ADGRF5: variants seen among roughly 807,000 people sequenced by gnomAD.
The protein encoded by ADGRF5 is G-protein coupled receptor 116.
Under a neutral mutation model 132.3 loss-of-function variants are expected in ADGRF5, and 75 were observed. The observed-to-expected ratio is 0.57, with a 90% confidence interval of 0.47 to 0.69. The LOEUF (loss-of-function observed/expected upper bound fraction) is 0.69, where lower values mean the gene tolerates loss of function less well. Among genes scored for constraint, ADGRF5 ranks in the 30% least tolerant of loss-of-function variants. ADGRF5 has a pLI of 0.00. For synonymous variants in ADGRF5, 629 were observed against 597.6 expected (o/e 1.05, Z -0.77); for missense variants, 1,516 against 1,630.6 (o/e 0.93, Z 1.21).
At chr6:46,923,816 G>A (rs1388966136), upstream of ADGRF5, among the ~76,000 whole-genome samples, 2 of 152,130 alleles carry the variant, frequency 1.3e-5, no homozygotes, top group African/African-American at 2.4e-5. Flanking sequence ...TGGCCTCAGC[G>A]GCAACCCAGA....
chr6:46,932,787 G>A (rs1303519182), intron 1 of ADGRF5, among the ~76,000 whole-genome samples: 1 of 152,120 alleles, frequency 6.6e-6, no homozygotes. Context: ...CTGGGCTCCT[G>A]TTTAATGCCT....
At chr6:46,936,405 T>A (rs1304383164) in intron 1 of ADGRF5, among the ~76,000 whole-genome samples, 2 of 152,194 alleles carry the variant, frequency 1.3e-5, no homozygotes, top group African/African-American at 4.8e-5. Context: ...CTGCCAAACC[T>A]GCCTTCCTCG....
Position 46,856,867 on chromosome 6 carries a change from C to T in ADGRF5, c.3816G>A (p.Lys1272=), listed in dbSNP as rs757503035. 1 of 1,609,892 alleles carries T rather than the reference C, an allele frequency of 6.2e-7. No homozygotes were observed. The highest frequency in any genetic ancestry group is 8.5e-7 in the Non-Finnish European group (1 of 1,178,020). The change falls in exon 18 of 21, where the codon AAG becomes AAA. Residue 1272 remains lysine (K), a splice_region_variant and synonymous_variant. Transcript: ENST00000283296. ...AACATGAAACTGTCATTGCTCTTAC[C>T]TTCAGATCCCAGAGGCATCCAAAGA... ...ILLFGCLWDL[K]VQEALLNKFS... is the part of the protein sequence containing the mutation.
Position 46,858,699 on chromosome 6 carries a change from G to A in ADGRF5, c.3204C>T (p.Phe1068=). 6.2e-7 allele frequency: 1 copy of A among 1,614,138 alleles called. No homozygotes were observed. The change falls in exon 17 of 21, where the codon TTC becomes TTT. Residue 1068 remains phenylalanine, a synonymous_variant. Transcript: ENST00000283296. The stretch of plus-strand genomic sequence containing the variant: ...TGTCCTGGATGGCAGCGACCACAAT[G>A]AACCAGGTGTTGGCGACCAGAAGGG... ...AASLLVANTW[F]IVVAAIQDNR...
intron 1 of ADGRF5, among the ~76,000 whole-genome samples, chr6:46,937,253 AGT>A (rs1172517306): frequency 8.9e-6 from 1 of 112,550 alleles, no homozygotes; most frequent in Non-Finnish European, 1.8e-5. Flanking sequence ...TGTGTGTGTG[AGT>A]GTGTGTGTGT....
rs1773286452 is a variant in ADGRF5, at chr6:46,888,488, T to C, written c.175A>G (p.Thr59Ala). 1.9e-6 allele frequency: 3 copies of C among 1,612,856 alleles called. No individual in the cohort carries two copies. The highest frequency in any genetic ancestry group is 1.7e-5 in the Admixed American group (1 of 59,970). The change falls in exon 4 of 21, where the codon ACG (threonine) becomes GCG (alanine). Residue 59 changes from threonine (T) to alanine (A), a missense_variant. Coordinates refer to ENST00000283296, the MANE Select transcript of ADGRF5 (RefSeq NM_001098518.2). ...ATATTAACAGTGTATTCTTCAGCCGTAGGACTTTTTGTGGCAACTGCAATG... is the reference window on the plus strand; with the variant it reads ...ATATTAACAGTGTATTCTTCAGCCGCAGGACTTTTTGTGGCAACTGCAATG... Reference protein sequence around the residue: ...QKRAVATKSPTAEEYTVNIEI... With the variant: ...QKRAVATKSPAAEEYTVNIEI...
At chr6:46,878,859 C>A (rs1210772611) in intron 9 of ADGRF5, among the ~76,000 whole-genome samples, 1 of 152,164 alleles carries the variant, frequency 6.6e-6, no homozygotes, top group Non-Finnish European at 1.5e-5. Context: ...TACAATGCGG[C>A]TATTACATTC....
chr6:46,881,721 A>T (rs1772489116), intron 7 of ADGRF5, 124 bp from the exon 8 acceptor site: 2 of 755,350 alleles, frequency 2.6e-6, no homozygotes, highest in Non-Finnish European at 4.4e-6. Flanking sequence ...AAATCTATGG[A>T]TCTGACTGGC....
At chr6:46,938,467 G>A (rs1777931166) in intron 1 of ADGRF5, among the ~76,000 whole-genome samples, 1 of 152,202 alleles carries the variant, frequency 6.6e-6, no homozygotes, top group African/African-American at 2.4e-5. Context: ...AAAGGCAACA[G>A]ATTCTGATAG....
At chr6:46,874,500 T>C (rs1264864571) in intron 10 of ADGRF5, among the ~76,000 whole-genome samples, 2 of 152,198 alleles carry the variant, frequency 1.3e-5, no homozygotes, top group African/African-American at 4.8e-5. Context: ...CAATATGTTA[T>C]GTAGATTAAA....
intron 3 of ADGRF5, among the ~76,000 whole-genome samples, chr6:46,890,132 G>T (rs117803661): frequency 2.6e-5 from 4 of 151,844 alleles, no homozygotes; most frequent in African/African-American, 4.8e-5. Flanking sequence ...TCTCTCTGTC[G>T]CCCAGGCTGG....
intron 2 of ADGRF5, among the ~76,000 whole-genome samples, chr6:46,900,318 C>T (rs187370109): frequency 1.8e-4 from 28 of 152,214 alleles, no homozygotes; most frequent in African/African-American, 6.7e-4. Context: ...AGCCTCTAGA[C>T]CAGGAACAGA....
chr6:46,914,908 T>G (rs574493935), intron 1 of ADGRF5, among the ~76,000 whole-genome samples: 3 of 152,060 alleles, frequency 2.0e-5, no homozygotes, highest in South Asian at 4.2e-4. Context: ...CTGGCTGGAG[T>G]GCAATGGCAT....
intron 7 of ADGRF5, 126 bp from the exon 8 acceptor site, chr6:46,881,723 C>A: frequency 1.4e-6 from 1 of 740,386 alleles, no homozygotes; most frequent in South Asian, 1.9e-5. Flanking sequence ...ATCTATGGAT[C>A]TGACTGGCCA....
chr6:46,923,171 C>G (rs902981062), upstream of ADGRF5, among the ~76,000 whole-genome samples: 1 of 152,214 alleles, frequency 6.6e-6, no homozygotes, highest in Non-Finnish European at 1.5e-5. Flanking sequence ...AGGTAATCCC[C>G]AGCCTCGGCC....
chr6:46,904,813 T>A (rs1775145581), intron 2 of ADGRF5, among the ~76,000 whole-genome samples: 1 of 152,160 alleles, frequency 6.6e-6, no homozygotes, highest in Admixed American at 6.5e-5. Context: ...CTTAGGGCAG[T>A]ATAAACTGAT....
At chr6:46,933,082 C>CA (rs1244703343) in intron 1 of ADGRF5, among the ~76,000 whole-genome samples, 4 of 152,140 alleles carry the variant, frequency 2.6e-5, no homozygotes, top group Admixed American at 2.6e-4. Flanking sequence ...GAAAATTAAT[C>CA]AAACTTTCTG....
rs746928110 is a variant in ADGRF5, at chr6:46,859,453, T to G, written c.2450A>C (p.Gln817Pro). The G allele has an allele frequency of 6.2e-7, 1 of 1,613,394 alleles. No homozygotes were observed. Among genetic ancestry groups the G allele is most frequent in the Non-Finnish European group, 8.5e-7 (1 of 1,179,334 alleles). The change falls in exon 17 of 21, where the codon CAA becomes CCA. Residue 817 changes from glutamine to proline, a missense_variant. Physicochemically the swap from Gln to Pro is moderately conservative, Grantham distance 76. This residue lies in a region of ADGRF5 where 571 missense variants were observed against 701.2 expected (regional missense o/e 0.81). Coordinates refer to ENST00000283296, the MANE Select transcript of ADGRF5 (RefSeq NM_001098518.2). Reference sequence around the variant, plus strand: ...TAGCTGTGAACTCTGATTGGTCCATTGCTGTTGTAAAACCTTCCAGGTGTT... The same window carrying G: ...TAGCTGTGAACTCTGATTGGTCCATGGCTGTTGTAAAACCTTCCAGGTGTT... ...VLNTWKVLQQ[Q>P]WTNQSSQLLH...
In ADGRF5 at chr6:46,854,012, C is replaced by A. The variant is rs1318158069; in HGVS notation, c.4021G>T (p.Ala1341Ser). 6.2e-7 allele frequency: 1 copy of A among 1,605,086 alleles called. No individual in the cohort carries two copies. The highest frequency in any genetic ancestry group is 2.3e-5 in the East Asian group (1 of 44,170). ...TGTTCTTAGTTGAGCAACGAAGAAG[C>A]ACTGGATGAGTTTTCCAGGGATGAG... ...TSSSLENSSS[A>S]SSLLN The change falls in exon 21 of 21, where the codon GCT (alanine) becomes TCT (serine). Residue 1341 changes from alanine (A) to serine (S), a missense_variant. Ala to Ser is a moderately conservative substitution (Grantham distance 99). Transcript: ENST00000283296.
Sources: allele counts gnomAD v4.1 joint callset (sites outside exome capture counted in the v4.1 genomes callset), GRCh38; gene constraint gnomAD v4.1.1; regional missense constraint gnomAD v4.1.1; transcripts MANE v1.5; gene names NCBI Gene and HGNC (gene_info 2026-07-23, HGNC 2026-07-21).